TRIM2: variants seen among roughly 807,000 people sequenced by gnomAD.
TRIM2 encodes tripartite motif-containing protein 2.
A neutral mutation model predicts 75.2 loss-of-function variants in TRIM2; 20 were observed. That is an observed-to-expected ratio of 0.27 (90% CI 0.19 to 0.39). The LOEUF (loss-of-function observed/expected upper bound fraction) is 0.39. Ranked by LOEUF, TRIM2 falls within the 10% of genes least tolerant of loss-of-function variation. The pLI, the probability that TRIM2 is intolerant of heterozygous loss-of-function variation, is 1.00. For missense variants in TRIM2, 660 were observed against 990.8 expected (o/e 0.67, Z 4.48); for synonymous variants, 373 against 388.3 (o/e 0.96, Z 0.46).
intron 1 of TRIM2, among the ~76,000 whole-genome samples, chr4:153,171,816 T>A (rs959227597): frequency 6.7e-6 from 1 of 149,316 alleles, no homozygotes; most frequent in Non-Finnish European, 1.5e-5. Flanking sequence ...CATCCCAGCT[T>A]TTTGCCATAT....
chr4:153,235,974 C>T (rs1229245380), intron 1 of TRIM2, among the ~76,000 whole-genome samples: 2 of 152,142 alleles, frequency 1.3e-5, no homozygotes, highest in Middle Eastern at 3.4e-3. Context: ...TGACATGTGT[C>T]GTGGGAGGGA....
chr4:153,176,318 T>A (rs1362845955), intron 1 of TRIM2, among the ~76,000 whole-genome samples: 1 of 151,832 alleles, frequency 6.6e-6, no homozygotes, highest in African/African-American at 2.4e-5. Flanking sequence ...CCAAGTGCAG[T>A]GATGTGCACT....
intron 1 of TRIM2, among the ~76,000 whole-genome samples, chr4:153,173,886 G>A (rs1161689195): frequency 6.6e-6 from 1 of 152,108 alleles, no homozygotes; most frequent in Non-Finnish European, 1.5e-5. Context: ...AGAATCGCTT[G>A]AACCTGGGAG....
At chr4:153,298,864 G>A (rs1763280895) in intron 6 of TRIM2, among the ~76,000 whole-genome samples, 3 of 152,024 alleles carry the variant, frequency 2.0e-5, no homozygotes, top group Admixed American at 2.0e-4. Context: ...CTCCCAAGTA[G>A]CAGGGACCAC....
chr4:153,314,419 CAAAA>C (rs58410286), intron 6 of TRIM2, among the ~76,000 whole-genome samples: 6 of 58,894 alleles, frequency 1.0e-4, no homozygotes, highest in South Asian at 1.4e-3. Flanking sequence ...GACTCCGTCT[CAAAA>C]AAAAAAAAAA....
At chr4:153,313,788 T>C (rs1766909553) in intron 6 of TRIM2, among the ~76,000 whole-genome samples, 1 of 151,886 alleles carries the variant, frequency 6.6e-6, no homozygotes, top group Admixed American at 6.6e-5. Flanking sequence ...AGGCACACAC[T>C]GCCATGCCCA....
chr4:153,152,264 C>T (rs895444225), upstream of TRIM2: 1 of 152,064 alleles, frequency 6.6e-6, no homozygotes, highest in African/African-American at 2.4e-5. Context: ...TCCCGGGAAA[C>T]CACCCCCCGC....
At chr4:153,246,602 A>C (rs1381886080) in intron 1 of TRIM2, among the ~76,000 whole-genome samples, 1 of 152,264 alleles carries the variant, frequency 6.6e-6, no homozygotes, top group Non-Finnish European at 1.5e-5. Flanking sequence ...AGTGCCTAGC[A>C]CATAGTAGAA....
At chr4:153,226,882 C>T (rs1560844270) in intron 1 of TRIM2, among the ~76,000 whole-genome samples, 1 of 152,220 alleles carries the variant, frequency 6.6e-6, no homozygotes, top group Non-Finnish European at 1.5e-5. Context: ...AATTTTCAAG[C>T]CCATGCCCCA....
chr4:153,256,074 C>T (rs1356722031), intron 1 of TRIM2, among the ~76,000 whole-genome samples: 1 of 152,078 alleles, frequency 6.6e-6, no homozygotes, highest in East Asian at 1.9e-4. Flanking sequence ...ATACTAAAAG[C>T]CATTAAATTG....
intron 1 of TRIM2, among the ~76,000 whole-genome samples, chr4:153,266,395 T>A (rs1185793628): frequency 1.4e-5 from 2 of 143,346 alleles, no homozygotes; most frequent in South Asian, 2.2e-4. Flanking sequence ...CAGGCTGGAG[T>A]GCAGTGGCGT....
At chr4:153,237,873 A>G (rs575450599) in intron 1 of TRIM2, among the ~76,000 whole-genome samples, 3 of 152,190 alleles carry the variant, frequency 2.0e-5, no homozygotes, top group South Asian at 4.1e-4. Flanking sequence ...AAAACAGAAG[A>G]TCCATTGGTA....
intron 1 of TRIM2, among the ~76,000 whole-genome samples, chr4:153,187,963 C>T (rs539130096): frequency 6.6e-6 from 1 of 152,210 alleles, no homozygotes; most frequent in South Asian, 2.1e-4. Context: ...TTTCCTAAGT[C>T]CCCTTCATAG....
intron 6 of TRIM2, among the ~76,000 whole-genome samples, chr4:153,309,378 T>A (rs1462066879): frequency 6.6e-6 from 1 of 152,238 alleles, no homozygotes; most frequent in Non-Finnish European, 1.5e-5. Flanking sequence ...TTTGTCCTGC[T>A]ATCTCATGGG....
chr4:153,278,527 G>A (rs1358912509), intron 3 of TRIM2, among the ~76,000 whole-genome samples: 2 of 152,190 alleles, frequency 1.3e-5, no homozygotes, highest in African/African-American at 4.8e-5. Context: ...GGCCAGACAT[G>A]GTGGCTCATG....
At chr4:153,261,908 T>C (rs1753674939) in intron 1 of TRIM2, among the ~76,000 whole-genome samples, 1 of 152,180 alleles carries the variant, frequency 6.6e-6, no homozygotes, top group Non-Finnish European at 1.5e-5. Context: ...GCCACCAAAT[T>C]GTAGGAGATT....
intron 1 of TRIM2, among the ~76,000 whole-genome samples, chr4:153,176,818 C>T (rs1043627680): frequency 2.0e-4 from 30 of 152,230 alleles, no homozygotes; most frequent in African/African-American, 6.5e-4. Flanking sequence ...ACCATGTTGG[C>T]CAGGCTGGTC....
At chr4:153,205,618 G>A (rs72727855) in intron 1 of TRIM2, among the ~76,000 whole-genome samples, 18 of 152,294 alleles carry the variant, frequency 1.2e-4, no homozygotes, top group South Asian at 1.0e-3. Context: ...ATCGACAGGA[G>A]CCTGATAAAA....
chr4:153,197,016 G>A (rs6817587), intron 1 of TRIM2, among the ~76,000 whole-genome samples: 55,971 of 152,054 alleles, frequency 0.37, 10,509 homozygotes, highest in Non-Finnish European at 0.4. Flanking sequence ...AAAAATGTAG[G>A]AGGCTTATAG....
Sources: allele counts gnomAD v4.1 joint callset (sites outside exome capture counted in the v4.1 genomes callset), GRCh38; gene constraint gnomAD v4.1.1; transcripts MANE v1.5; gene names NCBI Gene and HGNC (gene_info 2026-07-23, HGNC 2026-07-21).